Variants in RAD51B observed in about 807,000 individuals in gnomAD.
RAD51B encodes the protein RAD51 paralog B, also known as DNA repair protein RAD51 homolog 2.
RAD51B carries 38 observed loss-of-function variants against 42.2 expected under a neutral mutation model. The ratio of observed to expected loss-of-function variants is 0.90; its 90% CI spans 0.70 to 1.18. RAD51B has a LOEUF of 1.18. Among genes scored for constraint, RAD51B ranks in the 50% most tolerant of loss-of-function variants. RAD51B has a pLI of 0.00. For missense variants in RAD51B, 373 were observed against 400.7 expected, an observed-to-expected ratio of 0.93 and a Z score of 0.59; for synonymous variants, 154 against 145.2, an observed-to-expected ratio of 1.06 and a Z score of -0.43.
At chr14:68,281,350 T>C (rs2081316329) in intron 7 of RAD51B, among the ~76,000 whole-genome samples, 2 of 152,244 alleles carry the variant, frequency 1.3e-5, no homozygotes, top group Non-Finnish European at 2.9e-5. Flanking sequence ...AATATTAATA[T>C]GTGTTAGGCA....
chr14:68,460,786 T>G (rs1324943268), intron 9 of RAD51B, among the ~76,000 whole-genome samples: 1 of 152,154 alleles, frequency 6.6e-6, no homozygotes, highest in East Asian at 1.9e-4. Flanking sequence ...GACTTGACTT[T>G]GGGCCTGGCC....
intron 9 of RAD51B, chr14:68,422,223 C>G (rs905362684): frequency 2.1e-6 from 2 of 948,748 alleles, no homozygotes; most frequent in African/African-American, 1.6e-5. Flanking sequence ...TTTTCCTCAG[C>G]GGTGGCGTCC....
intron 11 of RAD51B, among the ~76,000 whole-genome samples, chr14:68,664,273 C>T (rs1892990342): frequency 6.6e-6 from 1 of 152,150 alleles, no homozygotes; most frequent in Non-Finnish European, 1.5e-5. Context: ...TCTACATAAT[C>T]TTAGAGTCCC....
intron 10 of RAD51B, among the ~76,000 whole-genome samples, chr14:68,554,780 G>GT (rs1250656954): frequency 6.6e-6 from 1 of 152,040 alleles, no homozygotes; most frequent in Non-Finnish European, 1.5e-5. Flanking sequence ...CCTAGAAGAT[G>GT]TCCAGAATAT....
At chr14:68,374,634 T>C (rs1039729843) in intron 8 of RAD51B, among the ~76,000 whole-genome samples, 7 of 151,960 alleles carry the variant, frequency 4.6e-5, no homozygotes, top group Admixed American at 1.3e-4. Context: ...TCCATAAATC[T>C]GGTACTTAAT....
chr14:68,405,829 C>CAAAAAAAAAAAAAA (rs10547910), intron 8 of RAD51B, among the ~76,000 whole-genome samples: 1 of 71,546 alleles, frequency 1.4e-5, no homozygotes. Flanking sequence ...AGTTTATCAC[C>CAAAAAAAAAAAAAA]AAAAAAAAAA....
At chr14:68,126,497 C>T (rs777043209) in intron 7 of RAD51B, among the ~76,000 whole-genome samples, 8 of 152,208 alleles carry the variant, frequency 5.3e-5, no homozygotes, top group Non-Finnish European at 8.8e-5. Flanking sequence ...CTGCATAAAA[C>T]TATAGCCCCT....
At chr14:68,049,583 C>A (rs1405060045) in intron 7 of RAD51B, among the ~76,000 whole-genome samples, 2 of 152,152 alleles carry the variant, frequency 1.3e-5, no homozygotes, top group Non-Finnish European at 2.9e-5. Flanking sequence ...TGCTCGTCAC[C>A]CTGTCCTTTA....
intron 7 of RAD51B, among the ~76,000 whole-genome samples, chr14:67,981,604 A>G (rs1354911541): frequency 6.6e-6 from 1 of 152,244 alleles, no homozygotes. Flanking sequence ...GTATATCCAT[A>G]TAATGGAATA....
intron 8 of RAD51B, among the ~76,000 whole-genome samples, chr14:68,312,455 C>A (rs958970241): frequency 2.0e-5 from 3 of 152,194 alleles, no homozygotes; most frequent in Admixed American, 2.0e-4. Context: ...TCTTCACAGA[C>A]CTGCAAATTC....
intron 3 of RAD51B, among the ~76,000 whole-genome samples, 167 bp from the exon 4 acceptor site, chr14:67,834,913 T>G (rs2041179137): frequency 6.6e-6 from 1 of 152,130 alleles, no homozygotes; most frequent in Admixed American, 6.5e-5. Context: ...ATCCCCATAA[T>G]CTAGCACAGT....
chr14:68,593,380 C>T (rs576329909), intron 10 of RAD51B, among the ~76,000 whole-genome samples: 32 of 152,314 alleles, frequency 2.1e-4, no homozygotes, highest in African/African-American at 7.0e-4. Context: ...CTCAAGCTCT[C>T]GCCAGCCGAT....
At chr14:68,543,714 C>T (rs1888081062) in intron 10 of RAD51B, among the ~76,000 whole-genome samples, 1 of 152,176 alleles carries the variant, frequency 6.6e-6, no homozygotes, top group South Asian at 2.1e-4. Context: ...ACTTCCTTTT[C>T]AACCATACAG....
At chr14:68,051,249 T>C (rs182700920) in intron 7 of RAD51B, among the ~76,000 whole-genome samples, 4 of 152,176 alleles carry the variant, frequency 2.6e-5, no homozygotes, top group Admixed American at 2.6e-4. Context: ...TATCTACTTC[T>C]TAAATTTAAA....
chr14:68,210,172 C>T (rs2079676526), intron 7 of RAD51B, among the ~76,000 whole-genome samples: 7 of 152,074 alleles, frequency 4.6e-5, no homozygotes, highest in Admixed American at 4.6e-4. Context: ...GTTGGCCAGG[C>T]TGGTCTCTAA....
intron 7 of RAD51B, among the ~76,000 whole-genome samples, chr14:68,202,124 C>T (rs1258788235): frequency 6.6e-6 from 1 of 152,100 alleles, no homozygotes; most frequent in Non-Finnish European, 1.5e-5. Context: ...TCTAAAAAAC[C>T]AATGTATATA....
At chr14:68,447,971 A>G (rs1182800682) in intron 9 of RAD51B, among the ~76,000 whole-genome samples, 1 of 152,248 alleles carries the variant, frequency 6.6e-6, no homozygotes, top group Non-Finnish European at 1.5e-5. Context: ...GTACTAGGTT[A>G]GGCTCTGGAA....
At chr14:68,673,056 C>G (rs1482125726) in intron 11 of RAD51B, among the ~76,000 whole-genome samples, 1 of 152,186 alleles carries the variant, frequency 6.6e-6, no homozygotes, top group Non-Finnish European at 1.5e-5. Flanking sequence ...CATGCACTAG[C>G]CAGAATTGGT....
intron 7 of RAD51B, among the ~76,000 whole-genome samples, chr14:67,999,428 C>A (rs1276282915): frequency 6.6e-6 from 1 of 152,174 alleles, no homozygotes; most frequent in African/African-American, 2.4e-5. Context: ...GGGATAGTGC[C>A]TTTGTCTTCA....
Sources: allele counts gnomAD v4.1 joint callset (sites outside exome capture counted in the v4.1 genomes callset), GRCh38; gene constraint gnomAD v4.1.1; transcripts MANE v1.5; gene names NCBI Gene and HGNC (gene_info 2026-07-23, HGNC 2026-07-21).